PDGFC: variants seen among roughly 807,000 people sequenced by gnomAD.
The protein encoded by PDGFC is platelet-derived growth factor C.
A neutral mutation model predicts 35.5 loss-of-function variants in PDGFC; 12 were observed. The observed-to-expected ratio is 0.34, with a 90% CI of 0.22 to 0.55. The LOEUF is 0.55. Among genes scored for constraint, PDGFC ranks in the 20% least tolerant of loss-of-function variants. PDGFC has a pLI of 0.91. For missense variants in PDGFC, 322 were observed against 412.4 expected (o/e 0.78, Z 1.90); for synonymous variants, 159 against 148.8 (o/e 1.07, Z -0.50).
intron 1 of PDGFC, among the ~76,000 whole-genome samples, chr4:156,893,981 G>A (rs1325786131): frequency 6.6e-6 from 1 of 152,046 alleles, no homozygotes; most frequent in Admixed American, 6.6e-5. Context: ...GTTTCCTGTA[G>A]TTCACAACCA....
intron 5 of PDGFC, among the ~76,000 whole-genome samples, chr4:156,766,061 T>G (rs1730518949): frequency 6.6e-6 from 1 of 152,012 alleles, no homozygotes; most frequent in Admixed American, 6.6e-5. Context: ...AGCTTTGGAG[T>G]TTGTGTTCTC....
At chr4:156,792,394 T>C (rs530056901) in intron 3 of PDGFC, among the ~76,000 whole-genome samples, 1 of 151,018 alleles carries the variant, frequency 6.6e-6, no homozygotes, top group East Asian at 1.9e-4. Flanking sequence ...TGAGTTAGAA[T>C]GTAAAAGTCA....
chr4:156,789,337 C>T lies in PDGFC; in HGVS notation c.496-16444G>A, dbSNP rs927607934. Among the ~76,000 whole-genome samples, 7 of 152,270 alleles carry T rather than the reference C, an allele frequency of 4.6e-5. No homozygotes were observed. In the Middle Eastern group the frequency reaches 0.02, roughly 444 times the overall value. On this transcript the variant is annotated intron_variant, in intron 3 of 5. Transcript: ENST00000502773. ...AATTCTTCACTTGAAAACTCTTTGC[C>T]TCTGAGAAGGCACATGATGTACAAA...
intron 1 of PDGFC, among the ~76,000 whole-genome samples, chr4:156,864,716 A>G (rs1729793254): frequency 6.6e-6 from 1 of 152,158 alleles, no homozygotes; most frequent in African/African-American, 2.4e-5. Context: ...GCCAGTAAGG[A>G]TGACCCAGAC....
Position 156,861,880 on chromosome 4 carries a change from C to T in PDGFC, c.119-11464G>A, listed in dbSNP as rs1452438715. 4.6e-5 allele frequency among the ~76,000 whole-genome samples: 7 copies of T among 152,044 alleles called. No homozygotes were observed. The East Asian group carries it at 1.4e-3, about 29-fold the overall frequency. On this transcript the variant is annotated intron_variant, in intron 1 of 5. Coordinates refer to ENST00000502773, the MANE Select transcript of PDGFC (RefSeq NM_016205.3). ...CTTTCATATACATTATCTTTTAATG[C>T]TTTTAGTAACCCTGCAAAGTAGCAA...
chr4:156,820,258 T>C (rs190744006), intron 2 of PDGFC, among the ~76,000 whole-genome samples: 31 of 152,300 alleles, frequency 2.0e-4, no homozygotes, highest in African/African-American at 7.0e-4. Flanking sequence ...TGACCTACAA[T>C]TGCAAAAGAA....
intron 2 of PDGFC, among the ~76,000 whole-genome samples, chr4:156,828,450 T>C (rs1019810853): frequency 1.3e-5 from 2 of 152,200 alleles, no homozygotes; most frequent in Admixed American, 6.5e-5. Context: ...GAAAACTCCA[T>C]TAGTGTTCCA....
intron 2 of PDGFC, among the ~76,000 whole-genome samples, chr4:156,811,258 T>C (rs1221544944): frequency 1.3e-5 from 2 of 152,084 alleles, no homozygotes; most frequent in Non-Finnish European, 2.9e-5. Context: ...TCCAAATTCA[T>C]TAAATAACCA....
At chr4:156,915,422 A>G (rs991031327) in intron 1 of PDGFC, among the ~76,000 whole-genome samples, 2 of 151,820 alleles carry the variant, frequency 1.3e-5, no homozygotes, top group African/African-American at 2.4e-5. Flanking sequence ...CAAAAGGGGG[A>G]AATGCAACTA....
At chr4:156,933,265 C>G (rs528961680) in intron 1 of PDGFC, among the ~76,000 whole-genome samples, 2 of 152,328 alleles carry the variant, frequency 1.3e-5, no homozygotes, top group South Asian at 4.1e-4. Context: ...AACTTAACTA[C>G]AGTAGATCCT....
rs529343100 is a variant in PDGFC at position 156,869,152 on chromosome 4, G to A, written c.119-18736C>T. Among the ~76,000 whole-genome samples the A allele has an allele frequency of 1.3e-4, 20 of 152,122 alleles. No individual in the cohort carries two copies. The East Asian group carries it at 2.3e-3, about 18-fold the overall frequency. ...AATTAGGTTTTAAATAAAAATGACC[G>A]GCCAGGTGCGGTGGCTCATGCCTGT... On this transcript the variant is annotated intron_variant, in intron 1 of 5. Coordinates refer to ENST00000502773, the MANE Select transcript of PDGFC (RefSeq NM_016205.3).
At chr4:156,882,768 C>G (rs1730273770) in intron 1 of PDGFC, among the ~76,000 whole-genome samples, 1 of 152,124 alleles carries the variant, frequency 6.6e-6, no homozygotes, top group South Asian at 2.1e-4. Context: ...CTGCATCTTT[C>G]AGATTCAAAA....
At chr4:156,875,503 TG>T (rs1332472749) in intron 1 of PDGFC, among the ~76,000 whole-genome samples, 1 of 152,180 alleles carries the variant, frequency 6.6e-6, no homozygotes, top group Non-Finnish European at 1.5e-5. Context: ...TCTCACCAGA[TG>T]TCTCTTCATT....
At chr4:156,802,071 C>T (rs1389406745) in intron 3 of PDGFC, among the ~76,000 whole-genome samples, 1 of 152,212 alleles carries the variant, frequency 6.6e-6, no homozygotes, top group Non-Finnish European at 1.5e-5. Context: ...TATACTCCCT[C>T]TTTCCCCTCT....
intron 3 of PDGFC, among the ~76,000 whole-genome samples, chr4:156,802,965 G>T (rs977964702): frequency 6.6e-6 from 1 of 151,984 alleles, no homozygotes; most frequent in East Asian, 1.9e-4. Context: ...TACTCTCTTC[G>T]CAAACAAGGA....
At chr4:156,773,017 C>T (rs528987560) in intron 3 of PDGFC, 124 bp from the exon 4 acceptor site, 6 of 642,832 alleles carry the variant, frequency 9.3e-6, no homozygotes, top group African/African-American at 1.8e-5. Context: ...GTATTGAATC[C>T]AATTAGAAAT....
rs1449132518 is a variant in PDGFC at position 156,951,745 on chromosome 4, AAC to A, written c.118+19039_118+19040del. Reference sequence around the variant, plus strand: ...TCTACCTTATAGAAAAAAAAAAAAAAACAAAAAACCCTCGTTTTCTTTGAAAG... The same window carrying A: ...TCTACCTTATAGAAAAAAAAAAAAAAAAAAAACCCTCGTTTTCTTTGAAAG... On this transcript the variant is annotated intron_variant, in intron 1 of 5. Transcript: ENST00000502773. Among the ~76,000 whole-genome samples the A allele has an allele frequency of 2.3e-3, 354 of 151,098 alleles. 1 individual carries two copies. Among genetic ancestry groups the A allele is most frequent in the African/African-American group, 8.0e-3 (329 of 41,076 alleles).
At chr4:156,906,157 T>C (rs1036440803) in intron 1 of PDGFC, among the ~76,000 whole-genome samples, 1 of 152,156 alleles carries the variant, frequency 6.6e-6, no homozygotes, top group African/African-American at 2.4e-5. Context: ...AAGAATATTT[T>C]AAAAACAAGA....
At chr4:156,905,260 C>A (rs1730885741) in intron 1 of PDGFC, among the ~76,000 whole-genome samples, 1 of 152,044 alleles carries the variant, frequency 6.6e-6, no homozygotes, top group Non-Finnish European at 1.5e-5. Context: ...AGAGCACCTA[C>A]TGAATAATGA....
Sources: gnomAD v4.1 joint callset for allele counts (sites outside exome capture counted in the v4.1 genomes callset) on GRCh38, gnomAD v4.1.1 for gene constraint, MANE v1.5 for transcripts, NCBI Gene and HGNC (gene_info 2026-07-23, HGNC 2026-07-21) for gene names.